The following LPP variants were observed in gnomAD, a reference collection of about 807,000 sequenced individuals.
LPP encodes LIM domain containing preferred translocation partner in lipoma.
Under a neutral mutation model 60.4 loss-of-function variants are expected in LPP, and 38 were observed. The ratio of observed to expected loss-of-function variants is 0.63; its 90% confidence interval spans 0.49 to 0.83. The LOEUF (loss-of-function observed/expected upper bound fraction) is 0.83. Among genes scored for constraint, LPP ranks in the 40% least tolerant of loss-of-function variants. The pLI is 0.00. For missense variants in LPP, 902 were observed against 783.6 expected, an observed-to-expected ratio of 1.15 and a Z score of -1.80; for synonymous variants, 328 against 290.8, an observed-to-expected ratio of 1.13 and a Z score of -1.30.
intron 3 of LPP, among the ~76,000 whole-genome samples, chr3:188,375,896 T>C (rs1167771238): frequency 1.3e-5 from 2 of 152,202 alleles, no homozygotes; most frequent in Admixed American, 6.5e-5. Flanking sequence ...GAGATTCTGG[T>C]ATGTTGTGTC....
intron 9 of LPP, among the ~76,000 whole-genome samples, chr3:188,805,776 A>G (rs1274388978): frequency 1.3e-5 from 2 of 151,486 alleles, no homozygotes; most frequent in African/African-American, 4.8e-5. Flanking sequence ...ATTTTGATAT[A>G]TTGTGTTTTC....
chr3:188,274,701 T>C (rs1341253290), intron 2 of LPP, among the ~76,000 whole-genome samples: 1 of 152,190 alleles, frequency 6.6e-6, no homozygotes, highest in Non-Finnish European at 1.5e-5. Flanking sequence ...GTGCTTCATG[T>C]GTAATAAATA....
intron 6 of LPP, among the ~76,000 whole-genome samples, chr3:188,583,144 A>T (rs1018323147): frequency 3.3e-5 from 5 of 152,252 alleles, no homozygotes; most frequent in Non-Finnish European, 2.9e-5. Context: ...TGAATCTCAT[A>T]TAACTATGTG....
intron 2 of LPP, among the ~76,000 whole-genome samples, chr3:188,261,994 G>C (rs1577661025): frequency 6.6e-6 from 1 of 152,288 alleles, no homozygotes; most frequent in Non-Finnish European, 1.5e-5. Flanking sequence ...GTGGTTCTTA[G>C]AAAGGTTGTT....
intron 5 of LPP, among the ~76,000 whole-genome samples, chr3:188,492,573 G>A (rs937593965): frequency 1.3e-5 from 2 of 152,090 alleles, no homozygotes; most frequent in African/African-American, 4.8e-5. Flanking sequence ...GTGTGTGCCT[G>A]TAATCCCAGC....
At chr3:188,340,396 C>CT (rs5855188) in intron 2 of LPP, among the ~76,000 whole-genome samples, 13,415 of 116,468 alleles carry the variant, frequency 0.12, 820 homozygotes, top group African/African-American at 0.17. Context: ...CAATCATGCT[C>CT]TTTTTTTTTT....
intron 7 of LPP, among the ~76,000 whole-genome samples, chr3:188,652,340 G>A (rs1004134125): frequency 6.6e-6 from 1 of 152,008 alleles, no homozygotes; most frequent in South Asian, 2.1e-4. Flanking sequence ...TTCCTTGGAG[G>A]TTTCTCTATT....
At chr3:188,854,652 C>G (rs983433539) in intron 9 of LPP, among the ~76,000 whole-genome samples, 2 of 152,172 alleles carry the variant, frequency 1.3e-5, no homozygotes, top group African/African-American at 4.8e-5. Flanking sequence ...TTTGCCACTC[C>G]CAGGAGTTAT....
chr3:188,793,668 T>C (rs1249572184), intron 9 of LPP, among the ~76,000 whole-genome samples: 2 of 152,152 alleles, frequency 1.3e-5, no homozygotes, highest in African/African-American at 2.4e-5. Context: ...CTGTCTTCTC[T>C]CTGTATGGGT....
Position 188,804,566 on chromosome 3 carries a change from A to G in LPP, c.1410+44284A>G, listed in dbSNP as rs796499092. On this transcript the variant is annotated intron_variant, in intron 9 of 11. Transcript: ENST00000617246. ...CTAAAAGCCCAAATTTCACCACTAC[A>G]CAATATATGCATGTGAGAAATCTGC... Among the ~76,000 whole-genome samples the G allele has an allele frequency of 2.0e-5, 3 of 151,820 alleles. No homozygotes were observed. The South Asian group carries it at 6.2e-4, about 31-fold the overall frequency.
intron 8 of LPP, among the ~76,000 whole-genome samples, chr3:188,733,993 G>A (rs1441162552): frequency 3.3e-5 from 5 of 152,056 alleles, no homozygotes; most frequent in African/African-American, 1.2e-4. Flanking sequence ...CCTAAGAAGT[G>A]TGTATATGTG....
intron 2 of LPP, among the ~76,000 whole-genome samples, chr3:188,286,117 C>T (rs1337694843): frequency 6.6e-6 from 1 of 152,128 alleles, no homozygotes; most frequent in Admixed American, 6.6e-5. Context: ...GATCTGTGCC[C>T]GTCCTTGTCA....
In LPP at chr3:188,693,650, C is replaced by G. The variant is rs543487585; in HGVS notation, c.1114-14617C>G. On this transcript the variant is annotated intron_variant, in intron 7 of 11. Coordinates refer to ENST00000617246, the MANE Select transcript of LPP (RefSeq NM_001375462.1). ...GCAAAGGGATGGCACCAGCGCAGCC[C>G]GACAGAATTCTCTGTGGGCCACATC... Among the ~76,000 whole-genome samples the G allele has an allele frequency of 4.2e-4, 64 of 152,178 alleles. 1 individual carries two copies. The South Asian group carries it at 0.013, about 32-fold the overall frequency.
intron 7 of LPP, among the ~76,000 whole-genome samples, chr3:188,705,130 G>T (rs920537511): frequency 6.6e-6 from 1 of 152,178 alleles, no homozygotes; most frequent in Non-Finnish European, 1.5e-5. Flanking sequence ...TACAAAAGTA[G>T]AACTACTTGC....
chr3:188,497,209 C>T (rs1043863997), intron 5 of LPP, among the ~76,000 whole-genome samples: 1 of 152,052 alleles, frequency 6.6e-6, no homozygotes, highest in African/African-American at 2.4e-5. Flanking sequence ...ACAGCCACTT[C>T]CTCTCTGAAC....
At chr3:188,295,792 G>A (rs1007464376) in intron 2 of LPP, among the ~76,000 whole-genome samples, 13 of 152,158 alleles carry the variant, frequency 8.5e-5, no homozygotes, top group African/African-American at 2.9e-4. Context: ...CTCCCAAAGC[G>A]CTTGGATTAT....
chr3:188,427,752 G>A lies in LPP; in HGVS notation c.193+21439G>A, dbSNP rs977690370. Among the ~76,000 whole-genome samples, 4 of 152,052 alleles carry A rather than the reference G, an allele frequency of 2.6e-5. No individual in the cohort carries two copies. In the South Asian group the frequency reaches 6.2e-4, roughly 24 times the overall value. On this transcript the variant is annotated intron_variant, in intron 4 of 11. Coordinates refer to ENST00000617246, the MANE Select transcript of LPP (RefSeq NM_001375462.1). ...TACTGAAGCCTCAGTAATGGTGGAC[G>A]CCCCTCCCCCCACCAAGCTGGAGCA...
intron 4 of LPP, among the ~76,000 whole-genome samples, chr3:188,462,588 ATGTGT>A (rs1799358036): frequency 1.7e-5 from 1 of 58,274 alleles, no homozygotes; most frequent in African/African-American, 6.3e-5. Context: ...ATATATATGC[ATGTGT>A]GTGTGTGTGT....
rs1235985646 is a variant in LPP, at chr3:188,352,975, T to A, written c.-10+11256T>A. Among the ~76,000 whole-genome samples the A allele has an allele frequency of 6.6e-6, 1 of 152,076 alleles. No homozygotes were observed. Among genetic ancestry groups the A allele is most frequent in the Non-Finnish European group, 1.5e-5 (1 of 68,020 alleles). On this transcript the variant is annotated intron_variant, in intron 3 of 11. Coordinates refer to ENST00000617246, the MANE Select transcript of LPP (RefSeq NM_001375462.1). This position sits in a 1 kb window ranked among gnomAD's most constrained non-coding sequence, Gnocchi z 4.4. ...GCAGATGGGTTCCTTGAGAAGTGAGTGCTTAAAGGGGCTGGGATAGATAAT... is the reference window on the plus strand; with the variant it reads ...GCAGATGGGTTCCTTGAGAAGTGAGAGCTTAAAGGGGCTGGGATAGATAAT...
Sources: allele counts gnomAD v4.1 joint callset (sites outside exome capture counted in the v4.1 genomes callset), GRCh38; gene constraint gnomAD v4.1.1; non-coding constraint Gnocchi (gnomAD v3.1); transcripts MANE v1.5; gene names NCBI Gene and HGNC (gene_info 2026-07-23, HGNC 2026-07-21).